AZGP1: variants seen among roughly 807,000 people sequenced by gnomAD.
AZGP1 encodes the protein alpha-2-glycoprotein 1, zinc-binding, also known as zinc-alpha-2-glycoprotein.
In AZGP1, 28 loss-of-function variants were observed where a neutral mutation model predicts 31.5. The observed-to-expected ratio is 0.89, with a 90% CI of 0.66 to 1.22. AZGP1 has a LOEUF of 1.22. Ranked by LOEUF, AZGP1 falls within the 50% of genes most tolerant of loss-of-function variation. AZGP1 has a pLI of 0.00. For missense variants in AZGP1, 361 were observed against 371.8 expected (o/e 0.97, Z 0.24); for synonymous variants, 135 against 145.4 (o/e 0.93, Z 0.51).
At chr7:99,968,479 T>C in intron 2 of AZGP1, 49 bp from the exon 3 acceptor site, 1 of 1,589,216 alleles carries the variant, frequency 6.3e-7, no homozygotes, top group Non-Finnish European at 8.5e-7. Flanking sequence ...TGGTGAGAAA[T>C]TTATCAAAAT....
Position 99,967,029 on chromosome 7 carries a change from G to C in AZGP1, c.871C>G (p.Leu291Val), listed in dbSNP as rs1474003365. The C allele has an allele frequency of 6.2e-7, 1 of 1,613,770 alleles. No individual in the cohort carries two copies. The highest frequency in any genetic ancestry group is 8.5e-7 in the Non-Finnish European group (1 of 1,179,828). The change falls in exon 4 of 4, where the codon CTC (leucine) becomes GTC (valine). Residue 291 changes from leucine to valine, a missense_variant. Physicochemically the swap from Leu to Val is conservative, Grantham distance 32 (BLOSUM62 1). Coordinates refer to ENST00000292401, the MANE Select transcript of AZGP1 (RefSeq NM_001185.4). ...HVQHSSLAQP[L>V]VVPWEAS ...TAGCTGGCCTCCCAGGGCACCACGA[G>C]GGGCTGGGCCAGGCTGCTGTGCTGC...
At chr7:99,975,265 A>G (rs1789641979) in intron 1 of AZGP1, among the ~76,000 whole-genome samples, 1 of 152,146 alleles carries the variant, frequency 6.6e-6, no homozygotes, top group Non-Finnish European at 1.5e-5. Flanking sequence ...TTGTTATATA[A>G]CAAACATATA....
Position 99,975,964 on chromosome 7 carries a change from G to T in AZGP1, c.57C>A (p.Val19=). The T allele has an allele frequency of 2.5e-6, 4 of 1,614,034 alleles. No homozygotes were observed. The highest frequency in any genetic ancestry group is 3.4e-6 in the Non-Finnish European group (4 of 1,180,006). ...LSLLLLLGPA[V]PQENQDGRYS... is the part of the protein sequence containing the mutation. ...ACTCACCATCTTGGTTCTCCTGGGG[G>T]ACAGCAGGACCCAGAAGCAGCAGCA... The change falls in exon 1 of 4, where the codon GTC becomes GTA. Residue 19 remains valine (V), a synonymous_variant. Transcript: ENST00000292401.
intron 2 of AZGP1, among the ~76,000 whole-genome samples, chr7:99,970,923 A>G (rs745830556): frequency 4.1e-4 from 62 of 152,180 alleles, no homozygotes; most frequent in Non-Finnish European, 8.2e-4. Flanking sequence ...GAGAAAGAGC[A>G]CTGGGCCGGG....
intron 2 of AZGP1, chr7:99,968,690 C>A (rs1789531512): frequency 4.0e-6 from 2 of 496,764 alleles, no homozygotes; most frequent in Non-Finnish European, 3.5e-6. Flanking sequence ...AGCCTGGGCG[C>A]TGTGGCTCAT....
chr7:99,971,440 G>A (rs948589854), intron 2 of AZGP1: 1 of 318,198 alleles, frequency 3.1e-6, no homozygotes, highest in Non-Finnish European at 5.8e-6. Context: ...CTTCTCACGG[G>A]GGTATCAGCC....
At chr7:99,975,896 A>G in intron 1 of AZGP1, 49 bp downstream of exon 1, 1 of 1,598,830 alleles carries the variant, frequency 6.3e-7, no homozygotes, top group Non-Finnish European at 8.6e-7. Context: ...CCTGTTCCTC[A>G]CCTCCTTCCA....
At chr7:99,971,642 C>G in intron 2 of AZGP1, 104 bp downstream of exon 2, 1 of 1,398,062 alleles carries the variant, frequency 7.2e-7, no homozygotes, top group Non-Finnish European at 9.8e-7. Flanking sequence ...TGTTCTTCCC[C>G]TGGGATTGGG....
intron 2 of AZGP1, among the ~76,000 whole-genome samples, chr7:99,969,877 C>A (rs933898384): frequency 1.3e-5 from 2 of 152,234 alleles, no homozygotes; most frequent in Non-Finnish European, 1.5e-5. Context: ...AAAGCCCCAA[C>A]CTTCTTGCCC....
chr7:99,967,111 C>A lies in AZGP1; in HGVS notation c.789G>T (p.Gln263His), dbSNP rs747398583. The change falls in exon 4 of 4, where the codon CAG (glutamine) becomes CAT (histidine). Residue 263 changes from glutamine to histidine, a missense_variant. Gln to His is a conservative substitution (Grantham distance 24). Coordinates refer to ENST00000292401, the MANE Select transcript of AZGP1 (RefSeq NM_001185.4). ...GGGGCACTGCCACCACCACCCAGGACTGGTAAGTGCCATTTCCATTGTGAA... is the reference window on the plus strand; with the variant it reads ...GGGGCACTGCCACCACCACCCAGGAATGGTAAGTGCCATTTCCATTGTGAA... ...DVLHNGNGTY[Q>H]SWVVVAVPPQ... 2.1e-5 allele frequency: 34 copies of A among 1,614,074 alleles called. No homozygotes were observed. The East Asian group carries it at 7.6e-4, about 36-fold the overall frequency.
intron 1 of AZGP1, among the ~76,000 whole-genome samples, chr7:99,975,507 T>C (rs1789646684): frequency 6.6e-6 from 1 of 152,076 alleles, no homozygotes; most frequent in Non-Finnish European, 1.5e-5. Context: ...CGGGTTTCCT[T>C]CTAGCACCAT....
rs375931718 is a variant in AZGP1, at chr7:99,971,981, G to GTAGA, written c.98_101dup (p.Thr35LeufsTer9). ...CTTCAACATGCTTGGACAGCCCAGT[G>GTAGA]TAGATATAGGTCAGAGAGTAACGAC... is the stretch of plus-strand genomic sequence containing the variant. On this transcript the variant is annotated frameshift_variant, in exon 2 of 4. Transcript: ENST00000292401. LOFTEE classifies it high-confidence loss of function. 6.2e-6 allele frequency: 10 copies of GTAGA among 1,613,298 alleles called. No homozygotes were observed. The highest frequency in any genetic ancestry group is 6.8e-6 in the Non-Finnish European group (8 of 1,179,660).
chr7:99,974,702 T>C (rs959281123), intron 1 of AZGP1, among the ~76,000 whole-genome samples: 9 of 152,336 alleles, frequency 5.9e-5, no homozygotes, highest in African/African-American at 1.9e-4. Flanking sequence ...GGATACCTCA[T>C]TTTTGATGAT....
chr7:99,967,939 C>G (rs955336283), intron 3 of AZGP1: 1 of 680,634 alleles, frequency 1.5e-6, no homozygotes, highest in Non-Finnish European at 2.5e-6. Flanking sequence ...GAAAGAATGG[C>G]CTTCCTGGCC....
At chr7:99,968,499 T>C in intron 2 of AZGP1, 69 bp from the exon 3 acceptor site, 7 of 1,569,372 alleles carry the variant, frequency 4.5e-6, no homozygotes, top group Non-Finnish European at 6.0e-6. Flanking sequence ...TAACTCTTAG[T>C]CTTGCACATT....
At chr7:99,972,102 C>T in intron 1 of AZGP1, 96 bp from the exon 2 acceptor site, 1 of 1,389,056 alleles carries the variant, frequency 7.2e-7, no homozygotes, top group Non-Finnish European at 9.7e-7. Flanking sequence ...CTGGCCTTTT[C>T]TTCCCCAGCT....
Position 99,972,058 on chromosome 7 carries a change from G to A in AZGP1, c.77-52C>T, listed in dbSNP as rs190800567. 46 of 1,547,990 alleles carry A rather than the reference G, an allele frequency of 3.0e-5. No homozygotes were observed. The East Asian group carries it at 9.2e-4, about 31-fold the overall frequency. On this transcript the variant is annotated intron_variant, in intron 1 of 3. Transcript: ENST00000292401. ...GAGGTCCATGCAAGGGTCCCACTGT[G>A]GGGCTGCATAGGGCTAGGAGGGGAG...
chr7:99,969,833 T>C (rs1440413526), intron 2 of AZGP1, among the ~76,000 whole-genome samples: 1 of 152,184 alleles, frequency 6.6e-6, no homozygotes, highest in Admixed American at 6.5e-5. Context: ...TCTTTCTACC[T>C]TTCTGGTGTT....
chr7:99,969,559 G>A, intron 2 of AZGP1, among the ~76,000 whole-genome samples: 1 of 151,034 alleles, frequency 6.6e-6, no homozygotes, highest in East Asian at 1.9e-4. Flanking sequence ...CAGCTTGGGT[G>A]ACAAGAGCAA....
Sources: gnomAD v4.1 joint callset for allele counts (sites outside exome capture counted in the v4.1 genomes callset) on GRCh38, gnomAD v4.1.1 for gene constraint, MANE v1.5 for transcripts, NCBI Gene and HGNC (gene_info 2026-07-23, HGNC 2026-07-21) for gene names.